Variants in NCAM2 observed in about 807,000 individuals in gnomAD.
NCAM2 encodes the protein neural cell adhesion molecule 2.
In NCAM2, 30 loss-of-function variants were observed where a neutral mutation model predicts 98.1. That is an observed-to-expected ratio of 0.31 (90% confidence interval 0.23 to 0.41). NCAM2 has a LOEUF of 0.41. NCAM2 is among the 10% of genes least tolerant of loss of function. The pLI is 1.00. For synonymous variants in NCAM2, 368 were observed against 342.4 expected, an observed-to-expected ratio of 1.07 and a Z score of -0.83; for missense variants, 867 against 1,005.8, an observed-to-expected ratio of 0.86 and a Z score of 1.87.
At chr21:21,455,152 T>C (rs1486566704) in intron 12 of NCAM2, among the ~76,000 whole-genome samples, 2 of 150,270 alleles carry the variant, frequency 1.3e-5, no homozygotes, top group Non-Finnish European at 3.0e-5. Context: ...ACATGGTTTC[T>C]TTCCCAAATT....
intron 1 of NCAM2, among the ~76,000 whole-genome samples, chr21:21,248,456 TG>T (rs2147273398): frequency 6.6e-6 from 1 of 152,130 alleles, no homozygotes; most frequent in South Asian, 2.1e-4. Context: ...AGGAAAAAAT[TG>T]TCACATCTTA....
At chr21:21,159,349 T>A (rs1325541958) in intron 1 of NCAM2, among the ~76,000 whole-genome samples, 5 of 152,270 alleles carry the variant, frequency 3.3e-5, no homozygotes, top group African/African-American at 1.2e-4. Flanking sequence ...GTTTATAAAG[T>A]CTGCAGTAAT....
chr21:21,069,611 T>G (rs530748849), intron 1 of NCAM2, among the ~76,000 whole-genome samples: 1 of 152,280 alleles, frequency 6.6e-6, no homozygotes, highest in Admixed American at 6.5e-5. Flanking sequence ...AAAAGATGTT[T>G]TGAGGAATTC....
intron 1 of NCAM2, among the ~76,000 whole-genome samples, chr21:21,260,864 C>T (rs1320306310): frequency 6.6e-6 from 1 of 151,938 alleles, no homozygotes; most frequent in Non-Finnish European, 1.5e-5. Flanking sequence ...CAATATTAAC[C>T]TTGAGCTGAA....
At chr21:21,440,064 C>T (rs1979004697) in intron 12 of NCAM2, among the ~76,000 whole-genome samples, 2 of 152,146 alleles carry the variant, frequency 1.3e-5, no homozygotes, top group Admixed American at 6.5e-5. Flanking sequence ...TAGAATTTCT[C>T]TTAGTATATT....
rs1296154554 is a variant in NCAM2, at chr21:21,338,831, T to C, written c.1044+297T>C. 2.6e-5 allele frequency among the ~76,000 whole-genome samples: 4 copies of C among 152,172 alleles called. No homozygotes were observed. In the East Asian group the frequency reaches 5.8e-4, roughly 22 times the overall value. On this transcript the variant is annotated intron_variant, in intron 8 of 17. Coordinates refer to ENST00000400546, the MANE Select transcript of NCAM2 (RefSeq NM_004540.5). Reference sequence around the variant, plus strand: ...TACGTTGAATCTATAAAGTATGTTATTGCAGTTTTAACCCCTGCTGTGTGA... The same window carrying C: ...TACGTTGAATCTATAAAGTATGTTACTGCAGTTTTAACCCCTGCTGTGTGA...
chr21:21,055,841 A>G (rs1295608492), intron 1 of NCAM2, among the ~76,000 whole-genome samples: 1 of 152,088 alleles, frequency 6.6e-6, no homozygotes, highest in African/African-American at 2.4e-5. Flanking sequence ...TGTGAAGTGA[A>G]AGAGGAAACA....
At chr21:21,419,347 GT>G (rs1158605107) in intron 11 of NCAM2, among the ~76,000 whole-genome samples, 7 of 122,772 alleles carry the variant, frequency 5.7e-5, no homozygotes, top group African/African-American at 6.1e-5. Context: ...AACGGTCATG[GT>G]TTTTTTTTTC....
In NCAM2 at chr21:21,027,163, C is replaced by G. The variant is rs575493450; in HGVS notation, c.55+28545C>G. The stretch of plus-strand genomic sequence containing the variant: ...GTGAGCCGCCGTGCCCGGCCCAAAA[C>G]TTTTATTTTCTGAGTTATAATTTTT... On this transcript the variant is annotated intron_variant, in intron 1 of 17. Transcript: ENST00000400546. 1.5e-4 allele frequency among the ~76,000 whole-genome samples: 23 copies of G among 152,140 alleles called. No individual in the cohort carries two copies. The East Asian group carries it at 4.4e-3, about 29-fold the overall frequency.
intron 1 of NCAM2, among the ~76,000 whole-genome samples, chr21:21,032,413 T>C (rs1017065847): frequency 1.3e-5 from 2 of 152,202 alleles, no homozygotes; most frequent in South Asian, 4.1e-4. Flanking sequence ...GTCTCTATGA[T>C]CTTTCTTCTA....
chr21:21,371,539 C>T (rs759333506), intron 8 of NCAM2, among the ~76,000 whole-genome samples: 4 of 151,692 alleles, frequency 2.6e-5, no homozygotes, highest in Non-Finnish European at 4.4e-5. Context: ...GTCTTCTGTG[C>T]GTATTCTTGC....
chr21:21,255,139 T>G (rs79658896), intron 1 of NCAM2, among the ~76,000 whole-genome samples: 11 of 152,204 alleles, frequency 7.2e-5, no homozygotes, highest in Non-Finnish European at 1.5e-5. Flanking sequence ...CATGGTTTTT[T>G]GAAGGTTGGG....
At chr21:21,042,941 A>G (rs905327890) in intron 1 of NCAM2, among the ~76,000 whole-genome samples, 1 of 152,228 alleles carries the variant, frequency 6.6e-6, no homozygotes, top group Non-Finnish European at 1.5e-5. Flanking sequence ...TGAAATCCAA[A>G]TATCAATATC....
intron 1 of NCAM2, among the ~76,000 whole-genome samples, chr21:21,072,150 G>T (rs1008262154): frequency 6.6e-6 from 1 of 152,072 alleles, no homozygotes; most frequent in Non-Finnish European, 1.5e-5. Flanking sequence ...CTGACCTTGC[G>T]ATCCTCCCGT....
intron 5 of NCAM2, among the ~76,000 whole-genome samples, chr21:21,307,214 T>C (rs994811338): frequency 6.6e-6 from 1 of 152,170 alleles, no homozygotes; most frequent in Non-Finnish European, 1.5e-5. Flanking sequence ...TTCTGTTTCT[T>C]CATTTTTGAA....
intron 1 of NCAM2, among the ~76,000 whole-genome samples, chr21:21,128,686 A>G (rs1485092028): frequency 6.6e-6 from 1 of 152,180 alleles, no homozygotes; most frequent in African/African-American, 2.4e-5. Flanking sequence ...CAAATAAAAT[A>G]TAAAATAATT....
chr21:21,496,582 C>T (rs1008183166), intron 15 of NCAM2, among the ~76,000 whole-genome samples: 40 of 152,048 alleles, frequency 2.6e-4, no homozygotes, highest in Admixed American at 2.6e-4. Context: ...CCCTGTTGAT[C>T]ATTTATTTTG....
At chr21:21,071,870 C>CTTTCTAT (rs2065572823) in intron 1 of NCAM2, among the ~76,000 whole-genome samples, 26 of 138,172 alleles carry the variant, frequency 1.9e-4, no homozygotes, top group African/African-American at 6.8e-4. Context: ...GTCATGTCTG[C>CTTTCTAT]CTATCTATCT....
chr21:21,350,760 A>G (rs1602067550), intron 8 of NCAM2, among the ~76,000 whole-genome samples: 2 of 152,270 alleles, frequency 1.3e-5, no homozygotes, highest in East Asian at 3.9e-4. Context: ...TTTCAGATAT[A>G]CATATAAGCG....
Sources: allele counts gnomAD v4.1 joint callset (sites outside exome capture counted in the v4.1 genomes callset), GRCh38; gene constraint gnomAD v4.1.1; transcripts MANE v1.5; gene names NCBI Gene and HGNC (gene_info 2026-07-23, HGNC 2026-07-21).